The following LAMC3 variants were observed in gnomAD, a reference collection of about 807,000 sequenced individuals.
LAMC3 encodes the protein laminin subunit gamma-3.
In LAMC3, 128 loss-of-function variants were observed where a neutral mutation model predicts 173.8. That is an observed-to-expected ratio of 0.74 (90% CI 0.64 to 0.85). LAMC3 has a LOEUF of 0.85. LAMC3 is among the 40% of genes least tolerant of loss of function. The probability of loss-of-function intolerance (pLI) is 0.00; values close to 1 mark genes in which losing one functional copy is unlikely to be tolerated. For missense variants in LAMC3, 2,022 were observed against 2,156.0 expected (o/e 0.94, Z 1.23); for synonymous variants, 897 against 909.1 (o/e 0.99, Z 0.24).
intron 9 of LAMC3, among the ~76,000 whole-genome samples, chr9:131,049,938 C>G (rs1350004950): frequency 6.6e-6 from 1 of 152,238 alleles, no homozygotes; most frequent in Non-Finnish European, 1.5e-5. Flanking sequence ...GTGGCTGATT[C>G]AGGACCTGCC....
In LAMC3 at chr9:131,009,184, G is replaced by A. The variant is rs1370271354; in HGVS notation, c.-31G>A. 4 of 1,180,976 alleles carry A rather than the reference G, an allele frequency of 3.4e-6. No individual in the cohort carries two copies. Among genetic ancestry groups the A allele is most frequent in the Non-Finnish European group, 3.1e-6 (3 of 957,688 alleles). The allele number at this position is 1,180,976 out of a possible 1,614,324, so 73.2% of individuals were successfully genotyped here. ...GCGCCCACCCTAGCCGAGCGGGGCCGGCAGAGCGCGCGGCGTCGGTGCCCT... is the reference window on the plus strand; with the variant it reads ...GCGCCCACCCTAGCCGAGCGGGGCCAGCAGAGCGCGCGGCGTCGGTGCCCT... On this transcript the variant is annotated 5_prime_UTR_variant, in exon 1 of 28. Transcript: ENST00000361069. This position sits in a 1 kb window ranked among gnomAD's most constrained non-coding sequence, Gnocchi z 4.3.
At chr9:131,052,770 T>G in intron 10 of LAMC3, 80 bp from the exon 11 acceptor site, 1 of 1,383,524 alleles carries the variant, frequency 7.2e-7, no homozygotes, top group South Asian at 1.2e-5. Flanking sequence ...CCCTGTAGTC[T>G]GGGGGGCTAC....
At chr9:131,034,207 C>T (rs750765772) in intron 3 of LAMC3, among the ~76,000 whole-genome samples, 27 of 152,194 alleles carry the variant, frequency 1.8e-4, no homozygotes, top group Non-Finnish European at 3.8e-4. Flanking sequence ...CCCGTGGAGT[C>T]TCACTCTCCT....
intron 8 of LAMC3, among the ~76,000 whole-genome samples, chr9:131,047,888 T>A (rs1431870233): frequency 1.3e-5 from 2 of 149,684 alleles, no homozygotes; most frequent in African/African-American, 2.5e-5. Flanking sequence ...AAGTAGTTTT[T>A]AAATTTTTAT....
chr9:131,068,837 T>A, intron 15 of LAMC3, 71 bp from the exon 16 acceptor site: 1 of 1,581,546 alleles, frequency 6.3e-7, no homozygotes, highest in Non-Finnish European at 8.7e-7. Context: ...CCCAGCCAGC[T>A]GCAGCCGGCA....
Position 131,091,732 on chromosome 9 carries a change from A to G in LAMC3, c.4673A>G (p.Gln1558Arg), listed in dbSNP as rs139905505. 56 of 1,613,390 alleles carry G rather than the reference A, an allele frequency of 3.5e-5. No individual in the cohort carries two copies. The African/African-American group carries it at 6.7e-4, about 19-fold the overall frequency. The change falls in exon 28 of 28, where the codon CAG becomes CGG. Residue 1558 changes from glutamine (Q) to arginine (R), a missense_variant. Physicochemically the swap from Gln to Arg is conservative, Grantham distance 43 (BLOSUM62 1). Transcript: ENST00000361069. ...CTCGCCGAGATCCGCGCCGACAAAC[A>G]GAACCTGGAGGCCATTCTGCACAGC... ...SDLAEIRADK[Q>R]NLEAILHSLP...
intron 3 of LAMC3, among the ~76,000 whole-genome samples, chr9:131,035,714 T>C (rs1334417696): frequency 1.3e-5 from 2 of 152,118 alleles, no homozygotes; most frequent in Non-Finnish European, 2.9e-5. Flanking sequence ...TCGGACACAG[T>C]TGAGGGATAG....
intron 21 of LAMC3, among the ~76,000 whole-genome samples, chr9:131,076,200 A>G (rs1043559298): frequency 1.3e-5 from 2 of 152,102 alleles, no homozygotes; most frequent in Non-Finnish European, 2.9e-5. Flanking sequence ...CCTCTTCAAG[A>G]GAAGAGACAA....
At position 131,066,978 on chromosome 9, in the gene LAMC3, G is replaced by T. The variant is rs781267285; in HGVS notation, c.2366G>T (p.Cys789Phe). The change falls in exon 14 of 28, where the codon TGT becomes TTT. Residue 789 changes from cysteine (C) to phenylalanine (F), a missense_variant. Transcript: ENST00000361069. ...PGQRGRRCEV[C>F]DDGFFGDPLG... ...CACACAGGGCGGCGCTGTGAGGTCT[G>T]TGATGATGGCTTTTTTGGGGACCCG... 1 of 1,613,976 alleles carries T rather than the reference G, an allele frequency of 6.2e-7. No homozygotes were observed. The highest frequency in any genetic ancestry group is 1.1e-5 in the South Asian group (1 of 91,080).
chr9:131,087,600 A>C lies in LAMC3; in HGVS notation c.4355A>C (p.Gln1452Pro), dbSNP rs1394768180. ...QQVLASEARR[Q>P]ELEEAERVGA... is the part of the protein sequence containing the mutation. ...GTGCTGGCGTCTGAAGCACGCAGACAGGAGCTGGAGGAAGCTGAGCGGGTA... is the reference window on the plus strand; with the variant it reads ...GTGCTGGCGTCTGAAGCACGCAGACCGGAGCTGGAGGAAGCTGAGCGGGTA... The change falls in exon 26 of 28, where the codon CAG (glutamine) becomes CCG (proline). Residue 1452 changes from glutamine to proline, a missense_variant. Gln to Pro is a moderately conservative substitution (Grantham distance 76). Transcript: ENST00000361069. 6.2e-7 allele frequency: 1 copy of C among 1,614,028 alleles called. No homozygotes were observed. The highest frequency in any genetic ancestry group is 8.5e-7 in the Non-Finnish European group (1 of 1,180,018).
chr9:131,046,123 G>A (rs1834150587), intron 8 of LAMC3, among the ~76,000 whole-genome samples: 1 of 149,726 alleles, frequency 6.7e-6, no homozygotes, highest in South Asian at 2.1e-4. Flanking sequence ...TAGGCCACTT[G>A]CCTGAGGCCA....
intron 24 of LAMC3, among the ~76,000 whole-genome samples, chr9:131,084,711 A>G (rs1830299875): frequency 6.6e-6 from 1 of 151,818 alleles, no homozygotes; most frequent in African/African-American, 2.4e-5. Context: ...AGCCTGGCCA[A>G]CATGGTGAAA....
intron 12 of LAMC3, 67 bp from the exon 13 acceptor site, chr9:131,060,967 TC>T: frequency 6.5e-7 from 1 of 1,533,274 alleles, no homozygotes. Context: ...CCCTAACCTC[TC>T]CCACCGGGAT....
Position 131,068,160 on chromosome 9 carries a change from T to C in LAMC3, c.2676T>C (p.His892=), listed in dbSNP as rs959011807. ...CAGGCCAATGCTCCTGCCTGCCTCA[T>C]GTGACTGCACGGGACTGCAGCCGCT... ...PVTGQCSCLP[H]VTARDCSRCY... Residue 892 remains histidine (H), a synonymous_variant, in exon 15 of 28, where the codon CAT becomes CAC. Transcript: ENST00000361069. 7.4e-6 allele frequency: 12 copies of C among 1,613,456 alleles called. No individual in the cohort carries two copies. Among genetic ancestry groups the C allele is most frequent in the Non-Finnish European group, 9.3e-6 (11 of 1,180,032 alleles).
In LAMC3 at chr9:131,026,561, A is replaced by G. The variant is rs1316338643; in HGVS notation, c.650A>G (p.Tyr217Cys). Residue 217 changes from tyrosine (Y) to cysteine (C), a missense_variant, in exon 2 of 28, where the codon TAC (tyrosine) becomes TGC (cysteine). Transcript: ENST00000361069. This position sits in a 1 kb window ranked among gnomAD's most constrained non-coding sequence, Gnocchi z 4.8. The stretch of plus-strand genomic sequence containing the variant: ...ACCCTGGAGGGCCGGCCCAGCGCCT[A>G]CAACTTCGAGGAGAGCCCTGGGCTG... ...FSTLEGRPSA[Y>C]NFEESPGLQE... is the part of the protein sequence containing the mutation. The G allele has an allele frequency of 3.1e-6, 5 of 1,604,722 alleles. No individual in the cohort carries two copies. The highest frequency in any genetic ancestry group is 4.3e-6 in the Non-Finnish European group (5 of 1,176,384).
intron 2 of LAMC3, among the ~76,000 whole-genome samples, chr9:131,027,814 C>T (rs545548432): frequency 1.3e-5 from 2 of 152,162 alleles, no homozygotes; most frequent in Non-Finnish European, 2.9e-5. Flanking sequence ...CTTGTCCTCA[C>T]GGTAGAGAGG....
chr9:131,032,253 G>A, intron 3 of LAMC3, 78 bp downstream of exon 3: 2 of 483,824 alleles, frequency 4.1e-6, no homozygotes, highest in South Asian at 3.0e-5. Context: ...CTGTGGGGTG[G>A]GGGGTGGGGG....
rs191055971 is a variant in LAMC3 at position 131,023,800 on chromosome 9, C to T, written c.374-2485C>T. ...TATATTTTTTGTAGAGATGAGGTTT[C>T]GTCATGTTGCCCTGGCTAGTTGTGA... On this transcript the variant is annotated intron_variant, in intron 1 of 27. Coordinates refer to ENST00000361069, the MANE Select transcript of LAMC3 (RefSeq NM_006059.4). Among the ~76,000 whole-genome samples, 213 of 152,198 alleles carry T rather than the reference C, an allele frequency of 1.4e-3. 1 individual carries two copies. Among genetic ancestry groups the T allele is most frequent in the African/African-American group, 5.0e-3 (208 of 41,524 alleles).
chr9:131,032,521 G>GCTCTCTCTCGCTCTCTCTCTCTTT (rs1833847458), intron 3 of LAMC3, among the ~76,000 whole-genome samples: 1 of 131,232 alleles, frequency 7.6e-6, no homozygotes, highest in African/African-American at 3.0e-5. Context: ...TCTCTCTCTT[G>GCTCTCTCTCGCTCTCTCTCTCTTT]CTCTCTCTCG....
Sources: allele counts gnomAD v4.1 joint callset (sites outside exome capture counted in the v4.1 genomes callset), GRCh38; gene constraint gnomAD v4.1.1; non-coding constraint Gnocchi (gnomAD v3.1); transcripts MANE v1.5; gene names NCBI Gene and HGNC (gene_info 2026-07-23, HGNC 2026-07-21).